SLC9C2: variants seen among roughly 807,000 people sequenced by gnomAD.
The protein encoded by SLC9C2 is sodium/hydrogen exchanger 11.
A neutral mutation model predicts 140.2 loss-of-function variants in SLC9C2; 75 were observed. The observed-to-expected ratio is 0.53, with a 90% CI of 0.44 to 0.65. The LOEUF (loss-of-function observed/expected upper bound fraction) is 0.65. Ranked by LOEUF, SLC9C2 falls within the 30% of genes least tolerant of loss-of-function variation. SLC9C2 has a pLI of 0.00. For missense variants in SLC9C2, 1,074 were observed against 1,331.8 expected, an observed-to-expected ratio of 0.81 and a Z score of 3.01; for synonymous variants, 375 against 420.9, an observed-to-expected ratio of 0.89 and a Z score of 1.34.
At chr1:173,577,081 G>A (rs1665226202) in intron 7 of SLC9C2, among the ~76,000 whole-genome samples, 2 of 152,234 alleles carry the variant, frequency 1.3e-5, no homozygotes, top group Admixed American at 6.5e-5. Context: ...AGACACTGAA[G>A]TCTGAATTTC....
At chr1:173,568,702 C>A (rs1045513865) in intron 9 of SLC9C2, among the ~76,000 whole-genome samples, 1 of 152,046 alleles carries the variant, frequency 6.6e-6, no homozygotes, top group Non-Finnish European at 1.5e-5. Flanking sequence ...TGAGGAATTG[C>A]CAGACAGTGT....
intron 4 of SLC9C2, among the ~76,000 whole-genome samples, chr1:173,589,032 A>G (rs1666011497): frequency 6.6e-6 from 1 of 152,150 alleles, no homozygotes; most frequent in Non-Finnish European, 1.5e-5. Context: ...GAACCATGAT[A>G]TTACCACTGC....
intron 11 of SLC9C2, among the ~76,000 whole-genome samples, chr1:173,552,931 A>G (rs771362568): frequency 6.6e-6 from 1 of 152,212 alleles, no homozygotes; most frequent in African/African-American, 2.4e-5. Flanking sequence ...GGGAAAATCA[A>G]TAAAAAACCT....
At position 173,541,760 on chromosome 1, in the gene SLC9C2, C is replaced by T. The variant is rs542487381; in HGVS notation, c.1558-4721G>A. On this transcript the variant is annotated intron_variant, in intron 13 of 27. Transcript: ENST00000367714. ...TGAACAACCGGCTCCTGAATGACTACTGGTTAAATAACAAAATGAAGGCAG... is the reference window on the plus strand; with the variant it reads ...TGAACAACCGGCTCCTGAATGACTATTGGTTAAATAACAAAATGAAGGCAG... 2.0e-5 allele frequency among the ~76,000 whole-genome samples: 3 copies of T among 152,314 alleles called. No homozygotes were observed. The East Asian group carries it at 5.8e-4, about 29-fold the overall frequency.
At chr1:173,540,065 G>A (rs1275243529) in intron 13 of SLC9C2, among the ~76,000 whole-genome samples, 4 of 152,166 alleles carry the variant, frequency 2.6e-5, no homozygotes, top group Non-Finnish European at 4.4e-5. Context: ...TCAGGCTCCA[G>A]AGCCTGGAAC....
At chr1:173,552,571 T>G (rs1461613146) in intron 11 of SLC9C2, among the ~76,000 whole-genome samples, 2 of 152,198 alleles carry the variant, frequency 1.3e-5, no homozygotes, top group African/African-American at 4.8e-5. Context: ...AGAATTAAGC[T>G]AAATGTATTC....
At chr1:173,546,115 C>G (rs1662828949) in intron 13 of SLC9C2, among the ~76,000 whole-genome samples, 1 of 152,188 alleles carries the variant, frequency 6.6e-6, no homozygotes, top group African/African-American at 2.4e-5. Flanking sequence ...TAATAGGAGG[C>G]TCTGCAAAGA....
At chr1:173,560,531 C>T (rs950329280) in intron 9 of SLC9C2, among the ~76,000 whole-genome samples, 2 of 152,216 alleles carry the variant, frequency 1.3e-5, no homozygotes, top group Admixed American at 1.3e-4. Flanking sequence ...TCCACAGTTT[C>T]CCAAAGCTCA....
At chr1:173,541,860 G>C (rs1233185422) in intron 13 of SLC9C2, among the ~76,000 whole-genome samples, 1 of 152,200 alleles carries the variant, frequency 6.6e-6, no homozygotes, top group African/African-American at 2.4e-5. Context: ...ATTTAAAGCA[G>C]TGTGTAGAGG....
Position 173,551,740 on chromosome 1 carries a change from C to T in SLC9C2, c.1297+2993G>A, listed in dbSNP as rs551006061. Reference sequence around the variant, plus strand: ...ACTGGCCATTTCTGCATCTCTCTCTCGCTCTCTCCTTGGATCTCGCTATTC... The same window carrying T: ...ACTGGCCATTTCTGCATCTCTCTCTTGCTCTCTCCTTGGATCTCGCTATTC... On this transcript the variant is annotated intron_variant, in intron 11 of 27. Coordinates refer to ENST00000367714, the MANE Select transcript of SLC9C2 (RefSeq NM_178527.4). Among the ~76,000 whole-genome samples, 73 of 152,248 alleles carry T rather than the reference C, an allele frequency of 4.8e-4. 1 individual carries two copies. The highest frequency in any genetic ancestry group is 1.7e-3 in the African/African-American group (70 of 41,546).
At chr1:173,585,895 G>T (rs987188688) in intron 5 of SLC9C2, among the ~76,000 whole-genome samples, 2 of 152,068 alleles carry the variant, frequency 1.3e-5, no homozygotes, top group Non-Finnish European at 2.9e-5. Flanking sequence ...TTAAACCCAG[G>T]GGGTGGAGGT....
chr1:173,580,524 T>C (rs533283156), intron 7 of SLC9C2, among the ~76,000 whole-genome samples: 9 of 152,264 alleles, frequency 5.9e-5, no homozygotes, highest in South Asian at 4.1e-4. Flanking sequence ...GCTAATTTTT[T>C]GAACTTTTAG....
chr1:173,591,195 G>A (rs374402593), intron 4 of SLC9C2, among the ~76,000 whole-genome samples: 8 of 152,066 alleles, frequency 5.3e-5, no homozygotes, highest in Non-Finnish European at 7.4e-5. Context: ...CCATGTTCCC[G>A]CAAAAGACAT....
chr1:173,601,025 C>T (rs1382170706), intron 2 of SLC9C2, among the ~76,000 whole-genome samples: 3 of 152,184 alleles, frequency 2.0e-5, no homozygotes, highest in Non-Finnish European at 4.4e-5. Context: ...GCATGAATAT[C>T]ATTCTCTATA....
intron 23 of SLC9C2, among the ~76,000 whole-genome samples, chr1:173,511,211 T>C (rs1051830785): frequency 3.3e-5 from 5 of 151,988 alleles, no homozygotes; most frequent in Admixed American, 6.5e-5. Context: ...TTTGTATTTT[T>C]AGTAGGGATG....
At chr1:173,515,957 G>A (rs1013902816) in intron 23 of SLC9C2, among the ~76,000 whole-genome samples, 2 of 152,148 alleles carry the variant, frequency 1.3e-5, no homozygotes, top group Admixed American at 1.3e-4. Flanking sequence ...ATTTGCTTCA[G>A]GCCCTATTCA....
intron 9 of SLC9C2, among the ~76,000 whole-genome samples, chr1:173,564,371 C>T (rs532563661): frequency 9.7e-4 from 148 of 152,268 alleles, no homozygotes; most frequent in Non-Finnish European, 1.8e-3. Context: ...TTTGTTATTG[C>T]CTGTCTTTTG....
chr1:173,505,592 C>G (rs1317015974), intron 25 of SLC9C2, among the ~76,000 whole-genome samples: 2 of 152,158 alleles, frequency 1.3e-5, no homozygotes, highest in African/African-American at 4.8e-5. Flanking sequence ...GTTTGGAAAG[C>G]AGGGAATCCC....
At chr1:173,541,572 C>A (rs1490502388) in intron 13 of SLC9C2, among the ~76,000 whole-genome samples, 2 of 152,218 alleles carry the variant, frequency 1.3e-5, no homozygotes, top group South Asian at 4.1e-4. Context: ...CTCAGCACCA[C>A]ATCACACTTA....
Sources: allele counts gnomAD v4.1 joint callset (sites outside exome capture counted in the v4.1 genomes callset), GRCh38; gene constraint gnomAD v4.1.1; transcripts MANE v1.5; gene names NCBI Gene and HGNC (gene_info 2026-07-23, HGNC 2026-07-21).